PAX5: variants seen among roughly 807,000 people sequenced by gnomAD.
PAX5 encodes the protein paired box 5, also known as paired box protein Pax-5.
PAX5 carries 9 observed loss-of-function variants against 43.7 expected under a neutral mutation model. The observed-to-expected ratio is 0.21, with a 90% CI of 0.12 to 0.36. PAX5 has a LOEUF of 0.36. Among genes scored for constraint, PAX5 ranks in the 10% least tolerant of loss-of-function variants. PAX5 has a pLI of 1.00. For missense variants in PAX5, 383 were observed against 532.7 expected (o/e 0.72, Z 2.77); for synonymous variants, 228 against 214.3 (o/e 1.06, Z -0.56).
intron 5 of PAX5, among the ~76,000 whole-genome samples, chr9:36,997,558 C>G (rs1837494320): frequency 6.6e-6 from 1 of 152,212 alleles, no homozygotes; most frequent in South Asian, 2.1e-4. Context: ...TTTGCCAAGT[C>G]TCTCCCTGCC....
chr9:36,833,958 G>T lies in PAX5; in HGVS notation c.*6602C>A, dbSNP rs146478390. ...ATATGTATTTCTTTGATGCTGAAAGGTCAGTCCCTAAGACAAAATCAAATG... is the reference window on the plus strand; with the variant it reads ...ATATGTATTTCTTTGATGCTGAAAGTTCAGTCCCTAAGACAAAATCAAATG... On this transcript the variant is annotated 3_prime_UTR_variant, in exon 10 of 10. Transcript: ENST00000358127. 4.3e-6 allele frequency: 1 copy of T among 232,750 alleles called. No individual in the cohort carries two copies. The highest frequency in any genetic ancestry group is 8.5e-6 in the Non-Finnish European group (1 of 117,896). The allele number at this position is 232,750 out of a possible 1,614,324, so 14.4% of individuals were successfully genotyped here.
At chr9:37,026,674 G>C (rs1038115447) in intron 1 of PAX5, 4 of 1,333,466 alleles carry the variant, frequency 3.0e-6, no homozygotes, top group Non-Finnish European at 3.9e-6. Context: ...GCCAGGCACT[G>C]TGCGAGCTGG....
At chr9:36,911,511 C>T (rs910107371) in intron 7 of PAX5, among the ~76,000 whole-genome samples, 3 of 152,220 alleles carry the variant, frequency 2.0e-5, no homozygotes, top group Admixed American at 6.5e-5. Flanking sequence ...ATTCCGAGGA[C>T]GGCCCCGTGG....
intron 5 of PAX5, among the ~76,000 whole-genome samples, chr9:36,984,423 T>C (rs551442905): frequency 6.9e-6 from 1 of 145,702 alleles, no homozygotes; most frequent in African/African-American, 2.5e-5. Flanking sequence ...CTGGATTGGT[T>C]ATTGAACCTC....
intron 7 of PAX5, among the ~76,000 whole-genome samples, chr9:36,912,231 G>T (rs1829355993): frequency 6.6e-6 from 1 of 152,258 alleles, no homozygotes; most frequent in Admixed American, 6.5e-5. Flanking sequence ...CAAGAGCCCA[G>T]ACACATAGTA....
intron 5 of PAX5, among the ~76,000 whole-genome samples, chr9:36,972,793 CG>C (rs1835027493): frequency 6.6e-6 from 1 of 151,978 alleles, no homozygotes; most frequent in African/African-American, 2.4e-5. Flanking sequence ...TTTGGGAGGC[CG>C]AGGCAGGCAA....
intron 8 of PAX5, among the ~76,000 whole-genome samples, chr9:36,880,106 G>A (rs1171738016): frequency 6.6e-6 from 1 of 152,224 alleles, no homozygotes; most frequent in African/African-American, 2.4e-5. Flanking sequence ...ATACATCTTC[G>A]AAACAACCTG....
At chr9:36,977,001 C>T (rs778917057) in intron 5 of PAX5, among the ~76,000 whole-genome samples, 31 of 152,180 alleles carry the variant, frequency 2.0e-4, no homozygotes, top group Non-Finnish European at 4.1e-4. Context: ...CCCTTCCCAC[C>T]AGAGCTAGAG....
intron 6 of PAX5, among the ~76,000 whole-genome samples, chr9:36,929,235 GAGGAAGGAAGGAAGGAAGGA>G (rs56223123): frequency 0.21 from 27,684 of 134,196 alleles, 2,988 homozygotes; most frequent in Middle Eastern, 0.29. Flanking sequence ...AGGAAGGAAG[GAGGAAGGAAGGAAGGAAGGA>G]AGGAAGGAAG....
chr9:36,875,552 C>A (rs541320006), intron 8 of PAX5, among the ~76,000 whole-genome samples: 2 of 152,050 alleles, frequency 1.3e-5, no homozygotes, highest in African/African-American at 2.4e-5. Context: ...GTGGCCCCCC[C>A]CAAAAATGTC....
intron 1 of PAX5, among the ~76,000 whole-genome samples, chr9:37,024,089 G>A (rs546314607): frequency 2.0e-5 from 3 of 152,242 alleles, no homozygotes; most frequent in African/African-American, 7.2e-5. Flanking sequence ...TCTTGAGTCA[G>A]TCCTTTTGTC....
At chr9:36,988,854 T>C (rs7850976) in intron 5 of PAX5, among the ~76,000 whole-genome samples, 71,069 of 152,074 alleles carry the variant, frequency 0.47, 17,180 homozygotes, top group East Asian at 0.67. Context: ...AATCAAAATA[T>C]TATAGGCAAC....
At chr9:37,018,047 T>C (rs1279571269) in intron 2 of PAX5, among the ~76,000 whole-genome samples, 4 of 152,170 alleles carry the variant, frequency 2.6e-5, no homozygotes, top group South Asian at 4.1e-4. Flanking sequence ...ATGCTAACTC[T>C]CTGTGTGATC....
At chr9:36,876,194 A>T (rs6476592) in intron 8 of PAX5, among the ~76,000 whole-genome samples, 9 of 152,190 alleles carry the variant, frequency 5.9e-5, no homozygotes, top group African/African-American at 1.7e-4. Flanking sequence ...CCGGCCCACA[A>T]GGCTGCGCCC....
chr9:36,984,435 C>CTTGTTTTTTTTTTTTTTTTTTT (rs1836213086), intron 5 of PAX5, among the ~76,000 whole-genome samples: 1 of 66,874 alleles, frequency 1.5e-5, no homozygotes, highest in African/African-American at 6.6e-5. Context: ...TTGAACCTCT[C>CTTGTTTTTTTTTTTTTTTTTTT]TTTTTTTTTT....
chr9:36,994,245 A>T (rs531231884), intron 5 of PAX5, among the ~76,000 whole-genome samples: 44 of 152,278 alleles, frequency 2.9e-4, no homozygotes, highest in African/African-American at 9.6e-4. Context: ...CAGGACAGAG[A>T]TCACAGGGGA....
chr9:37,006,899 T>C (rs1231450413), intron 3 of PAX5, among the ~76,000 whole-genome samples: 1 of 152,190 alleles, frequency 6.6e-6, no homozygotes, highest in African/African-American at 2.4e-5. Flanking sequence ...ATTGAGTGAC[T>C]TTAGGGAGTC....
At chr9:36,987,301 C>T (rs935132032) in intron 5 of PAX5, among the ~76,000 whole-genome samples, 11 of 152,196 alleles carry the variant, frequency 7.2e-5, no homozygotes, top group African/African-American at 2.7e-4. Context: ...AATTGTATGA[C>T]CTAAGTATAT....
chr9:36,920,899 C>T (rs369692182), intron 7 of PAX5, among the ~76,000 whole-genome samples: 3 of 151,014 alleles, frequency 2.0e-5, no homozygotes, highest in East Asian at 1.9e-4. Context: ...CTGCAACCTC[C>T]GCCTTCCAGG....
Sources: gnomAD v4.1 joint callset for allele counts (sites outside exome capture counted in the v4.1 genomes callset) on GRCh38, gnomAD v4.1.1 for gene constraint, MANE v1.5 for transcripts, NCBI Gene and HGNC (gene_info 2026-07-23, HGNC 2026-07-21) for gene names.